The following VWF variants were observed in gnomAD, a reference collection of about 807,000 sequenced individuals.
The protein encoded by VWF is Factor VIII related antigen.
VWF carries 176 observed loss-of-function variants against 308.6 expected under a neutral mutation model. The ratio of observed to expected loss-of-function variants is 0.57; its 90% CI spans 0.50 to 0.65. VWF has a LOEUF of 0.65. VWF is among the 30% of genes least tolerant of loss of function. The pLI is 0.00. For synonymous variants in VWF, 1,385 were observed against 1,443.4 expected (o/e 0.96, Z 0.92); for missense variants, 3,146 against 3,648.2 (o/e 0.86, Z 3.55).
intron 31 of VWF, 45 bp from the exon 32 acceptor site, chr12:6,013,690 C>G: frequency 1.2e-6 from 2 of 1,609,096 alleles, no homozygotes; most frequent in Non-Finnish European, 1.7e-6. Context: ...GGCAAGAAGG[C>G]TCAAAATGGA....
intron 26 of VWF, 119 bp from the exon 27 acceptor site, chr12:6,022,154 G>C: frequency 7.2e-7 from 1 of 1,383,262 alleles, no homozygotes; most frequent in Non-Finnish European, 1.0e-6. Context: ...AACTCCTCCT[G>C]CCTGCACTCC....
rs753178808 is a variant in VWF, at chr12:6,110,964, G to A, written c.225C>T (p.Asp75=). The change falls in exon 4 of 52, where the codon GAC becomes GAT. Residue 75 remains aspartate, a synonymous_variant. Transcript: ENST00000261405. The stretch of plus-strand genomic sequence containing the variant: ...GGCTCACTCTCTTGCCATTCTGGAA[G>A]TCCCCTGAAAGAGAAAAAAGTCAAT... The part of the protein sequence containing the change: ...CQKRSFSIIG[D]FQNGKRVSLS... The A allele has an allele frequency of 3.1e-6, 5 of 1,613,864 alleles. No individual in the cohort carries two copies. The highest frequency in any genetic ancestry group is 1.7e-5 in the Admixed American group (1 of 59,988).
chr12:6,080,120 G>A (rs1023699938), intron 6 of VWF, among the ~76,000 whole-genome samples: 4 of 152,014 alleles, frequency 2.6e-5, no homozygotes, highest in Non-Finnish European at 4.4e-5. Flanking sequence ...CCACTCTGCC[G>A]AGTTAGGTGT....
chr12:6,108,782 C>A (rs1437499147), intron 5 of VWF, among the ~76,000 whole-genome samples: 4 of 151,946 alleles, frequency 2.6e-5, no homozygotes, highest in Non-Finnish European at 4.4e-5. Context: ...GAGTTGGAGA[C>A]CACCCTGGCT....
At position 5,985,545 on chromosome 12, in the gene VWF, G is replaced by A. The variant is rs774054580; in HGVS notation, c.6901+18C>T. 17 of 1,612,068 alleles carry A rather than the reference G, an allele frequency of 1.1e-5. No homozygotes were observed. Among genetic ancestry groups the A allele is most frequent in the South Asian group, 7.7e-5 (7 of 90,910 alleles). On this transcript the variant is annotated intron_variant, in intron 39 of 51. Transcript: ENST00000261405. ...CCTTGTTCCTCCATGAAGGCACCAG[G>A]GAGGGGAGGACTCTCACCTTTGGCC...
rs187437630 is a variant in VWF, at chr12:6,028,972, G to A, written c.2967+370C>T. On this transcript the variant is annotated intron_variant, in intron 22 of 51. Transcript: ENST00000261405. ...TTAAAAGGCACAGACTGGCCAATTG[G>A]ATAAAGAGTCAAGACCCATCAGTGT... Among the ~76,000 whole-genome samples the A allele has an allele frequency of 7.9e-5, 12 of 152,170 alleles. No individual in the cohort carries two copies. In the East Asian group the frequency reaches 1.7e-3, roughly 22 times the overall value.
intron 47 of VWF, among the ~76,000 whole-genome samples, chr12:5,966,035 G>C (rs1371052207): frequency 6.6e-6 from 1 of 152,192 alleles, no homozygotes; most frequent in Non-Finnish European, 1.5e-5. Context: ...CGGAGGAAGC[G>C]GCTGTGGCTC....
At chr12:6,023,492 G>T in intron 25 of VWF, 139 bp downstream of exon 25, 1 of 1,260,330 alleles carries the variant, frequency 7.9e-7, no homozygotes, top group South Asian at 1.4e-5. Context: ...ACCCTCCTTA[G>T]CCCTTGGCCA....
At chr12:6,021,855 A>C (rs1591864858) in intron 27 of VWF, 45 bp downstream of exon 27, 1 of 1,614,028 alleles carries the variant, frequency 6.2e-7, no homozygotes, top group East Asian at 2.2e-5. Context: ...CCCCTGGAGA[A>C]GCAATAAGAT....
chr12:6,083,179 C>T (rs1247072488), intron 6 of VWF, among the ~76,000 whole-genome samples: 9 of 151,950 alleles, frequency 5.9e-5, no homozygotes, highest in Admixed American at 5.9e-4. Context: ...CCTGTAATCC[C>T]AGCACTCTTG....
At chr12:5,980,121 AG>A (rs1565817122) in intron 42 of VWF, among the ~76,000 whole-genome samples, 73 of 126,536 alleles carry the variant, frequency 5.8e-4, no homozygotes, top group South Asian at 4.8e-3. Flanking sequence ...GAAGGAAGGA[AG>A]GAAGGAAGGA....
chr12:5,968,921 A>G (rs1368810431), intron 45 of VWF, among the ~76,000 whole-genome samples: 1 of 152,150 alleles, frequency 6.6e-6, no homozygotes, highest in Non-Finnish European at 1.5e-5. Flanking sequence ...TGGGGTGGCA[A>G]GTTGAACGCC....
chr12:6,041,296 C>A (rs938596669), intron 18 of VWF, among the ~76,000 whole-genome samples: 5 of 151,336 alleles, frequency 3.3e-5, no homozygotes, highest in Non-Finnish European at 7.4e-5. Context: ...TGGGTGTGGT[C>A]GTGTGCGCCT....
intron 42 of VWF, among the ~76,000 whole-genome samples, chr12:5,980,777 G>A (rs1474769360): frequency 1.3e-5 from 2 of 152,170 alleles, no homozygotes; most frequent in Non-Finnish European, 2.9e-5. Context: ...AGCCCTAACA[G>A]GCTCCAAGGA....
chr12:6,098,537 G>A (rs1183016157), intron 5 of VWF, among the ~76,000 whole-genome samples: 1 of 152,182 alleles, frequency 6.6e-6, no homozygotes, highest in African/African-American at 2.4e-5. Context: ...CCAGCACTTT[G>A]GGAGGCCGAG....
At position 5,967,465 on chromosome 12, in the gene VWF, TC is replaced by T; in HGVS notation, c.7887+20del. ...ACACGCGTCCAGTCCATGCCCTCGGTCCCCATTGAGCCTCTCTTACCAGGGG... is the reference window on the plus strand; with the variant it reads ...ACACGCGTCCAGTCCATGCCCTCGGTCCCATTGAGCCTCTCTTACCAGGGG... On this transcript the variant is annotated intron_variant, in intron 47 of 51. Transcript: ENST00000261405. The T allele has an allele frequency of 2.5e-6, 4 of 1,609,324 alleles. No individual in the cohort carries two copies. The highest frequency in any genetic ancestry group is 3.4e-6 in the Non-Finnish European group (4 of 1,175,744).
intron 6 of VWF, among the ~76,000 whole-genome samples, chr12:6,081,059 C>T (rs1389596864): frequency 6.6e-6 from 1 of 152,156 alleles, no homozygotes; most frequent in Non-Finnish European, 1.5e-5. Context: ...AGCTCCCTGC[C>T]CAGAAGGCCC....
intron 6 of VWF, among the ~76,000 whole-genome samples, chr12:6,084,278 A>C (rs1006806853): frequency 2.0e-5 from 3 of 152,156 alleles, no homozygotes; most frequent in African/African-American, 7.2e-5. Context: ...CAGGGATGCA[A>C]AACAAGGGCC....
chr12:5,993,212 G>T (rs571253552), intron 37 of VWF, among the ~76,000 whole-genome samples: 1 of 152,284 alleles, frequency 6.6e-6, no homozygotes, highest in Admixed American at 6.5e-5. Context: ...AGGGTTTCAA[G>T]TTCAGTATTC....
Sources: gnomAD v4.1 joint callset for allele counts (sites outside exome capture counted in the v4.1 genomes callset) on GRCh38, gnomAD v4.1.1 for gene constraint, MANE v1.5 for transcripts, NCBI Gene and HGNC (gene_info 2026-07-23, HGNC 2026-07-21) for gene names.